FUT8: variants seen among roughly 807,000 people sequenced by gnomAD.
FUT8 encodes alpha-(1,6)-fucosyltransferase.
FUT8 carries 29 observed loss-of-function variants against 71.3 expected under a neutral mutation model. The ratio of observed to expected loss-of-function variants is 0.41; its 90% confidence interval spans 0.30 to 0.55. The LOEUF (loss-of-function observed/expected upper bound fraction) is 0.55, where lower values mean the gene tolerates loss of function less well. FUT8 is among the 20% of genes least tolerant of loss of function. FUT8 has a pLI of 0.34. For missense variants in FUT8, 544 were observed against 702.1 expected (o/e 0.77, Z 2.55); for synonymous variants, 254 against 239.3 (o/e 1.06, Z -0.57).
At chr14:65,579,815 C>T (rs1015843892) in intron 3 of FUT8, among the ~76,000 whole-genome samples, 1 of 151,954 alleles carries the variant, frequency 6.6e-6, no homozygotes. Flanking sequence ...CTTGCTATGC[C>T]GTAATCCTTT....
intron 1 of FUT8, among the ~76,000 whole-genome samples, chr14:65,437,399 T>C (rs1405485982): frequency 1.3e-5 from 2 of 152,220 alleles, no homozygotes; most frequent in Non-Finnish European, 2.9e-5. Flanking sequence ...TTTTATTTTG[T>C]ATTTAATAGG....
chr14:65,690,279 A>G (rs1893508560), intron 7 of FUT8, among the ~76,000 whole-genome samples: 2 of 152,102 alleles, frequency 1.3e-5, no homozygotes, highest in African/African-American at 4.8e-5. Flanking sequence ...TACTTTATAT[A>G]TAAAGTAATC....
At chr14:65,567,260 A>G (rs1036191481) in intron 3 of FUT8, among the ~76,000 whole-genome samples, 1 of 152,098 alleles carries the variant, frequency 6.6e-6, no homozygotes, top group East Asian at 1.9e-4. Context: ...TTTAAAAACC[A>G]CAAAGAATGT....
chr14:65,734,816 G>A (rs892329076), intron 10 of FUT8, among the ~76,000 whole-genome samples: 1 of 152,124 alleles, frequency 6.6e-6, no homozygotes, highest in Admixed American at 6.6e-5. Context: ...TTTTAGGCCT[G>A]CCTGAAGTCA....
intron 6 of FUT8, among the ~76,000 whole-genome samples, chr14:65,654,790 A>T (rs964099140): frequency 6.6e-6 from 1 of 152,196 alleles, no homozygotes; most frequent in South Asian, 2.1e-4. Flanking sequence ...GCGTACTTAA[A>T]TCCCAACATG....
the FUT8 span, among the ~76,000 whole-genome samples, chr14:65,380,270 C>T: frequency 6.6e-5 from 10 of 152,146 alleles, no homozygotes; most frequent in Non-Finnish European, 1.5e-4. Context: ...GAGACTTATT[C>T]ACTATTACTA....
In FUT8 at chr14:65,448,318, C is replaced by T. The variant is rs150198271; in HGVS notation, c.-325-7303C>T. On this transcript the variant is annotated intron_variant, in intron 1 of 10. Coordinates refer to ENST00000673929, the MANE Select transcript of FUT8 (RefSeq NM_001371533.1). ...GTCTAGAACCTATAGAATGGGGGGG[C>T]GGAATAAAGGAGGCAATGGAGCCAC... Among the ~76,000 whole-genome samples the T allele has an allele frequency of 1.5e-3, 228 of 151,796 alleles. 2 individuals are homozygous for T. The highest frequency in any genetic ancestry group is 5.2e-3 in the African/African-American group (217 of 41,394).
intron 2 of FUT8, among the ~76,000 whole-genome samples, chr14:65,504,351 G>A (rs2066692525): frequency 6.6e-6 from 1 of 152,110 alleles, no homozygotes; most frequent in Non-Finnish European, 1.5e-5. Flanking sequence ...TTATTTGAAT[G>A]GTTTTGTGTG....
At chr14:65,590,953 G>A (rs759824777) in intron 3 of FUT8, among the ~76,000 whole-genome samples, 6 of 152,084 alleles carry the variant, frequency 3.9e-5, no homozygotes, top group Non-Finnish European at 2.9e-5. Context: ...TTCTGGTTTT[G>A]ACTTGGCAAA....
intron 6 of FUT8, among the ~76,000 whole-genome samples, chr14:65,657,067 C>T (rs1425523573): frequency 2.0e-5 from 3 of 152,150 alleles, no homozygotes; most frequent in Non-Finnish European, 4.4e-5. Flanking sequence ...ATTGGGGAAA[C>T]TCTCCAGGAC....
chr14:65,698,919 G>A (rs1894136334), intron 7 of FUT8, among the ~76,000 whole-genome samples: 1 of 152,072 alleles, frequency 6.6e-6, no homozygotes, highest in African/African-American at 2.4e-5. Flanking sequence ...ATAAAAACAT[G>A]CAGTTTGCTA....
chr14:65,366,962 C>T, the FUT8 span, among the ~76,000 whole-genome samples: 3 of 152,150 alleles, frequency 2.0e-5, no homozygotes, highest in African/African-American at 4.8e-5. Context: ...TAGAGAAAAG[C>T]GAAGAGCTGA....
At chr14:65,459,085 G>T (rs145943847) in intron 2 of FUT8, among the ~76,000 whole-genome samples, 1 of 152,166 alleles carries the variant, frequency 6.6e-6, no homozygotes, top group Admixed American at 6.5e-5. Flanking sequence ...CACTGTGCCC[G>T]GTCAGAGAAC....
intron 2 of FUT8, among the ~76,000 whole-genome samples, chr14:65,495,902 GA>G (rs1449931278): frequency 1.3e-5 from 2 of 151,992 alleles, no homozygotes; most frequent in Non-Finnish European, 1.5e-5. Context: ...TTGGAAGGAA[GA>G]AAACCATTTA....
rs2066369439 is a variant in FUT8 at position 65,483,889 on chromosome 14, A to G, written c.-228+28171A>G. Among the ~76,000 whole-genome samples the G allele has an allele frequency of 6.6e-6, 1 of 151,956 alleles. No individual in the cohort carries two copies. ...CTGAGATTGCTCAGCTACCACACCC[A>G]GCTAATTTTTGTATTTTTAATAGGG... is the stretch of plus-strand genomic sequence containing the variant. On this transcript the variant is annotated intron_variant, in intron 2 of 10. Coordinates refer to ENST00000673929, the MANE Select transcript of FUT8 (RefSeq NM_001371533.1). The surrounding 1 kb of genome is among the most constrained non-coding windows in gnomAD (Gnocchi z 4.4).
At chr14:65,629,457 A>ACAAGTTCGATCTC (rs1566862099) in intron 5 of FUT8, 35 bp from the exon 6 acceptor site, 2 of 1,375,878 alleles carry the variant, frequency 1.5e-6, no homozygotes, top group Non-Finnish European at 1.0e-6. Context: ...AGCAGTACAG[A>ACAAGTTCGATCTC]CAAGTTCGAT....
chr14:65,571,024 C>T (rs1886442495), intron 3 of FUT8, among the ~76,000 whole-genome samples: 1 of 152,064 alleles, frequency 6.6e-6, no homozygotes, highest in South Asian at 2.1e-4. Context: ...ATCACTCCCC[C>T]TTTTTTGTCT....
intron 5 of FUT8, among the ~76,000 whole-genome samples, chr14:65,618,350 T>TTTG (rs928037386): frequency 3.9e-5 from 6 of 152,004 alleles, no homozygotes; most frequent in Non-Finnish European, 8.8e-5. Context: ...AGTTTTCCAT[T>TTTG]TTGTTGTTGT....
intron 3 of FUT8, among the ~76,000 whole-genome samples, chr14:65,580,716 A>T (rs10152007): frequency 0.69 from 105,101 of 151,774 alleles, 36,634 homozygotes; most frequent in East Asian, 0.85. Context: ...AAGACTCAAA[A>T]TGGGGAAGTT....
Sources: allele counts gnomAD v4.1 joint callset (sites outside exome capture counted in the v4.1 genomes callset), GRCh38; gene constraint gnomAD v4.1.1; non-coding constraint Gnocchi (gnomAD v3.1); transcripts MANE v1.5; gene names NCBI Gene and HGNC (gene_info 2026-07-23, HGNC 2026-07-21).